MYL1: variants seen among roughly 807,000 people sequenced by gnomAD.
The protein encoded by MYL1 is myosin light chain 1.
A neutral mutation model predicts 21.8 loss-of-function variants in MYL1; 16 were observed. The ratio of observed to expected loss-of-function variants is 0.74; its 90% CI spans 0.50 to 1.12. The LOEUF is 1.12. Among genes scored for constraint, MYL1 ranks in the 50% most tolerant of loss-of-function variants. MYL1 has a pLI of 0.00. For missense variants in MYL1, 246 were observed against 241.0 expected (o/e 1.02, Z -0.14); for synonymous variants, 99 against 85.2 (o/e 1.16, Z -0.89).
intron 1 of MYL1, 38 bp downstream of exon 1, chr2:210,314,872 AG>A (rs1690467664): frequency 2.5e-6 from 4 of 1,610,864 alleles, no homozygotes; most frequent in Admixed American, 3.4e-5. Flanking sequence ...TACTATTGAA[AG>A]ATGTTTCAGT....
At chr2:210,298,680 C>T in intron 2 of MYL1, 117 bp from the exon 3 acceptor site, 2 of 1,121,178 alleles carry the variant, frequency 1.8e-6, no homozygotes. Flanking sequence ...GCCAACTATG[C>T]AAGTTGTTAT....
intron 2 of MYL1, among the ~76,000 whole-genome samples, chr2:210,301,445 T>C (rs1049482576): frequency 1.3e-5 from 2 of 152,116 alleles, no homozygotes; most frequent in African/African-American, 4.8e-5. Context: ...TGGAATCCTT[T>C]AGGTAGAGAA....
At chr2:210,306,663 A>T (rs1264978525) in intron 1 of MYL1, among the ~76,000 whole-genome samples, 2 of 151,908 alleles carry the variant, frequency 1.3e-5, no homozygotes, top group Non-Finnish European at 2.9e-5. Flanking sequence ...AAACTAGAAG[A>T]CCTAGATTCT....
At chr2:210,308,429 T>TATATATATATATAC in intron 1 of MYL1, among the ~76,000 whole-genome samples, 1 of 133,820 alleles carries the variant, frequency 7.5e-6, no homozygotes, top group Non-Finnish European at 1.6e-5. Flanking sequence ...TATATATATA[T>TATATATATATATAC]ATATATATAT....
At position 210,298,433 on chromosome 2, in the gene MYL1, G is replaced by C. The variant is rs774234588; in HGVS notation, c.291C>G (p.Asn97Lys). ...TNAEVRKVLG[N>K]PSNEELNAKK... Reference sequence around the variant, plus strand: ...TTGATGGGTTACCTTCATTGCTGGGGTTTCCCAGAACTTTCCTGACCTCTG... The same window carrying C: ...TTGATGGGTTACCTTCATTGCTGGGCTTTCCCAGAACTTTCCTGACCTCTG... Residue 97 changes from asparagine (N) to lysine (K), a missense_variant, in exon 3 of 7, where the codon AAC becomes AAG. Asn to Lys is a moderately conservative substitution (Grantham distance 94). Coordinates refer to ENST00000352451, the MANE Select transcript of MYL1 (RefSeq NM_079420.3). 4 of 1,613,572 alleles carry C rather than the reference G, an allele frequency of 2.5e-6. No individual in the cohort carries two copies. Among genetic ancestry groups the C allele is most frequent in the East Asian group, 4.5e-5 (2 of 44,860 alleles).
intron 3 of MYL1, among the ~76,000 whole-genome samples, chr2:210,296,485 C>T (rs1256127030): frequency 6.6e-6 from 1 of 152,034 alleles, no homozygotes; most frequent in African/African-American, 2.4e-5. Flanking sequence ...TGGGAAGTGG[C>T]ATTTAAAAAT....
At chr2:210,307,515 C>T (rs978028211) in intron 1 of MYL1, among the ~76,000 whole-genome samples, 3 of 152,116 alleles carry the variant, frequency 2.0e-5, no homozygotes, top group Admixed American at 2.0e-4. Flanking sequence ...ATTTGTAGCA[C>T]CTTCCTTTAG....
Position 210,293,818 on chromosome 2 carries a change from T to G in MYL1, c.479-18A>C, listed in dbSNP as rs768205214. 85 of 1,611,928 alleles carry G rather than the reference T, an allele frequency of 5.3e-5. No homozygotes were observed. The Admixed American group carries it at 1.4e-3, about 27-fold the overall frequency. ...CTTTTCACCTGATGAAACAAAACTC[T>G]CCTTTCAGAAAGAAGGCCATGTGTT... On this transcript the variant is annotated intron_variant, in intron 4 of 6. Coordinates refer to ENST00000352451, the MANE Select transcript of MYL1 (RefSeq NM_079420.3).
At chr2:210,313,903 T>C (rs568400681) in intron 1 of MYL1, among the ~76,000 whole-genome samples, 36 of 152,238 alleles carry the variant, frequency 2.4e-4, no homozygotes, top group African/African-American at 8.7e-4. Flanking sequence ...ATACAACTTT[T>C]GGCTTAAGTG....
At chr2:210,300,514 A>G (rs1242281241) in intron 2 of MYL1, among the ~76,000 whole-genome samples, 2 of 152,054 alleles carry the variant, frequency 1.3e-5, no homozygotes, top group African/African-American at 4.8e-5. Context: ...CTGGCAGCAA[A>G]GCCTAACGTA....
intron 1 of MYL1, among the ~76,000 whole-genome samples, chr2:210,307,714 C>T (rs1690358119): frequency 6.6e-6 from 1 of 152,108 alleles, no homozygotes; most frequent in Non-Finnish European, 1.5e-5. Context: ...CAACATACTG[C>T]TACTAAAAAT....
At chr2:210,295,412 C>T (rs566727285) in intron 3 of MYL1, among the ~76,000 whole-genome samples, 40 of 152,016 alleles carry the variant, frequency 2.6e-4, no homozygotes, top group African/African-American at 8.9e-4. Flanking sequence ...GGCAGGTGGA[C>T]TCCTTGAGCT....
chr2:210,298,622 C>T (rs1690217652), intron 2 of MYL1, 59 bp from the exon 3 acceptor site: 1 of 1,576,912 alleles, frequency 6.3e-7, no homozygotes, highest in African/African-American at 1.4e-5. Flanking sequence ...TTAATTAAAC[C>T]TAACCTTATC....
chr2:210,296,436 T>C (rs1690175442), intron 3 of MYL1, among the ~76,000 whole-genome samples: 1 of 152,270 alleles, frequency 6.6e-6, no homozygotes, highest in African/African-American at 2.4e-5. Context: ...CTATGTCTTA[T>C]TCCCTCCTCT....
chr2:210,299,946 C>G (rs1415086577), intron 2 of MYL1, among the ~76,000 whole-genome samples: 3 of 152,150 alleles, frequency 2.0e-5, no homozygotes, highest in East Asian at 1.9e-4. Flanking sequence ...AATCTAACAT[C>G]GCACTGACAT....
At chr2:210,292,767 C>G (rs535298352) in intron 5 of MYL1, among the ~76,000 whole-genome samples, 1 of 152,156 alleles carries the variant, frequency 6.6e-6, no homozygotes, top group East Asian at 1.9e-4. Flanking sequence ...TTACATTTCA[C>G]ATGTAAATTA....
chr2:210,293,329 C>T (rs1690110110), intron 5 of MYL1, among the ~76,000 whole-genome samples: 1 of 152,078 alleles, frequency 6.6e-6, no homozygotes, highest in Non-Finnish European at 1.5e-5. Flanking sequence ...AGTGATTTGA[C>T]CTTCACCAAG....
chr2:210,299,341 A>G (rs948136361), intron 2 of MYL1, among the ~76,000 whole-genome samples: 2 of 152,194 alleles, frequency 1.3e-5, no homozygotes, highest in Non-Finnish European at 2.9e-5. Context: ...GTTCTAAGAA[A>G]TGATACAGAA....
intron 2 of MYL1, among the ~76,000 whole-genome samples, chr2:210,302,215 T>C (rs1690274174): frequency 6.6e-6 from 1 of 152,214 alleles, no homozygotes; most frequent in Non-Finnish European, 1.5e-5. Flanking sequence ...GTATTATCTA[T>C]TGTATCAAAT....
Sources: allele counts gnomAD v4.1 joint callset (sites outside exome capture counted in the v4.1 genomes callset), GRCh38; gene constraint gnomAD v4.1.1; transcripts MANE v1.5; gene names NCBI Gene and HGNC (gene_info 2026-07-23, HGNC 2026-07-21).